KAT7: variants seen among roughly 807,000 people sequenced by gnomAD.
KAT7 encodes lysine acetyltransferase 7.
In KAT7, 10 loss-of-function variants were observed where a neutral mutation model predicts 82.1. The observed-to-expected ratio is 0.12, with a 90% CI of 0.08 to 0.21. KAT7 has a LOEUF of 0.21. KAT7 is among the 10% of genes least tolerant of loss of function. The probability of loss-of-function intolerance (pLI) is 1.00; values close to 1 mark genes in which losing one functional copy is unlikely to be tolerated. For synonymous variants in KAT7, 250 were observed against 262.5 expected (o/e 0.95, Z 0.46); for missense variants, 378 against 760.9 (o/e 0.50, Z 5.92).
At chr17:49,799,803 C>G (rs2051240832) in intron 4 of KAT7, among the ~76,000 whole-genome samples, 1 of 151,600 alleles carries the variant, frequency 6.6e-6, no homozygotes, top group Non-Finnish European at 1.5e-5. Context: ...GCTGGGACTA[C>G]AGGCACGTGG....
Position 49,833,620 on chromosome 17 carries a change from T to C in KAT7, c.*6118T>C, listed in dbSNP as rs1254158913. ...AAGCTTGGGCTAAATTACTGAATGGTGAGAGACGATGCATAGGAGAACCAA... is the reference window on the plus strand; with the variant it reads ...AAGCTTGGGCTAAATTACTGAATGGCGAGAGACGATGCATAGGAGAACCAA... On this transcript the variant is annotated 3_prime_UTR_variant, in exon 15 of 15. Transcript: ENST00000259021. The C allele has an allele frequency of 6.6e-6, 1 of 152,204 alleles. No individual in the cohort carries two copies. The highest frequency in any genetic ancestry group is 1.5e-5 in the Non-Finnish European group (1 of 68,048). The allele number at this position is 152,204 out of a possible 1,614,324, so 9.4% of individuals were successfully genotyped here. A position where few individuals can be genotyped will look rare whatever the true frequency, so the allele number is the denominator to read the frequency against.
chr17:49,831,659 A>G lies in KAT7; in HGVS notation c.*4157A>G, dbSNP rs932484597. 6.6e-6 allele frequency: 1 copy of G among 152,032 alleles called. No homozygotes were observed. The highest frequency in any genetic ancestry group is 2.4e-5 in the African/African-American group (1 of 41,370). 9.4% of individuals were successfully genotyped at this position (152,032 alleles called of 1,614,324 possible). On this transcript the variant is annotated 3_prime_UTR_variant, in exon 15 of 15. Transcript: ENST00000259021. Reference sequence around the variant, plus strand: ...TTCTTATCTGGGGATAATGAGTCATATTAAGTAATTTTTTTTTTTGAGACG... The same window carrying G: ...TTCTTATCTGGGGATAATGAGTCATGTTAAGTAATTTTTTTTTTTGAGACG...
intron 5 of KAT7, 86 bp downstream of exon 5, chr17:49,805,531 G>A: frequency 1.2e-6 from 1 of 852,960 alleles, no homozygotes; most frequent in Non-Finnish European, 1.9e-6. Context: ...GGATACAGTG[G>A]CCAACAAGAT....
rs925249554 is a variant in KAT7, at chr17:49,830,139, A to C, written c.*2637A>C. 2 of 150,826 alleles carry C rather than the reference A, an allele frequency of 1.3e-5. No individual in the cohort carries two copies. The highest frequency in any genetic ancestry group is 2.9e-5 in the Non-Finnish European group (2 of 67,918). The allele number at this position is 150,826 out of a possible 1,614,324, so 9.3% of individuals were successfully genotyped here. ...GTGATCCGCCCACCTTGGCCTCCCAAAGTGCTGGGATTACAGGCGTGAGCC... is the reference window on the plus strand; with the variant it reads ...GTGATCCGCCCACCTTGGCCTCCCACAGTGCTGGGATTACAGGCGTGAGCC... On this transcript the variant is annotated 3_prime_UTR_variant, in exon 15 of 15. Transcript: ENST00000259021.
At chr17:49,821,080 C>T (rs2074297784) in intron 9 of KAT7, among the ~76,000 whole-genome samples, 1 of 152,104 alleles carries the variant, frequency 6.6e-6, no homozygotes, top group Non-Finnish European at 1.5e-5. Flanking sequence ...ATTTTAATCT[C>T]CTGGGCTAAA....
At chr17:49,812,349 C>T (rs1373123677) in intron 7 of KAT7, among the ~76,000 whole-genome samples, 4 of 151,404 alleles carry the variant, frequency 2.6e-5, no homozygotes, top group Admixed American at 6.6e-5. Flanking sequence ...CTCAGCCTCC[C>T]GAGTAGCTAG....
At chr17:49,826,977 AGGTTTTGAT>A (rs985464309) in intron 14 of KAT7, 178 bp downstream of exon 14, 7 of 512,578 alleles carry the variant, frequency 1.4e-5, no homozygotes, top group Non-Finnish European at 1.8e-5. Flanking sequence ...CCTTATCAGA[AGGTTTTGAT>A]AAGCTCCTGT....
intron 2 of KAT7, among the ~76,000 whole-genome samples, chr17:49,794,498 C>A (rs1449991867): frequency 6.6e-6 from 1 of 152,148 alleles, no homozygotes; most frequent in Admixed American, 6.5e-5. Context: ...GTTGTCCAGG[C>A]TTGTCTTAAA....
rs757961251 is a variant in KAT7, at chr17:49,805,403, A to G, written c.621A>G (p.Ser207=). The G allele has an allele frequency of 1.9e-6, 3 of 1,613,286 alleles. No individual in the cohort carries two copies. The highest frequency in any genetic ancestry group is 2.2e-5 in the South Asian group (2 of 91,050). ...AACATGAGAGACATTTCTCCATCTCAGGATGCCCACTGTATCATAACCTCT... is the reference window on the plus strand; with the variant it reads ...AACATGAGAGACATTTCTCCATCTCGGGATGCCCACTGTATCATAACCTCT... ...TGKHERHFSI[S]GCPLYHNLSA... is the part of the protein sequence containing the mutation. Residue 207 remains serine, a synonymous_variant, in exon 5 of 15, where the codon TCA becomes TCG. Transcript: ENST00000259021.
chr17:49,823,398 G>T (rs2143980792), intron 12 of KAT7, 103 bp downstream of exon 12: 2 of 697,506 alleles, frequency 2.9e-6, no homozygotes, highest in South Asian at 1.6e-5. Context: ...ATATAGTGAA[G>T]GTACATGGAT....
intron 1 of KAT7, chr17:49,789,161 C>T: frequency 3.8e-6 from 1 of 264,968 alleles, no homozygotes; most frequent in South Asian, 1.2e-4. Flanking sequence ...GTCACCTCCC[C>T]GCGTGCGGGG....
intron 14 of KAT7, 81 bp from the exon 15 acceptor site, chr17:49,827,320 T>C: frequency 1.2e-6 from 1 of 824,832 alleles, no homozygotes; most frequent in Non-Finnish European, 2.1e-6. Flanking sequence ...AATTCCTTCT[T>C]GGCGGTTAGT....
intron 7 of KAT7, among the ~76,000 whole-genome samples, chr17:49,812,444 C>T (rs533125871): frequency 2.6e-5 from 4 of 151,272 alleles, no homozygotes; most frequent in East Asian, 2.0e-4. Flanking sequence ...AGGCTGGTCT[C>T]GAACTCCTGA....
Position 49,823,193 on chromosome 17 carries a change from T to C in KAT7, c.1387-9T>C. ...CATGACGTGTTCATCTGTTTGCTCT[T>C]GATTTTAGGAAAAGAATTCATTCCT... is the stretch of plus-strand genomic sequence containing the variant. On this transcript the variant is annotated splice_polypyrimidine_tract_variant and intron_variant, in intron 11 of 14. Coordinates refer to ENST00000259021, the MANE Select transcript of KAT7 (RefSeq NM_007067.5). The C allele has an allele frequency of 6.6e-7, 1 of 1,518,568 alleles. No homozygotes were observed. The highest frequency in any genetic ancestry group is 9.1e-7 in the Non-Finnish European group (1 of 1,094,252). The allele number at this position is 1,518,568 out of a possible 1,614,324, so 94.1% of individuals were successfully genotyped here.
At chr17:49,789,205 C>A (rs1298513583) in intron 1 of KAT7, 1 of 206,896 alleles carries the variant, frequency 4.8e-6, no homozygotes. Context: ...CGCTCTCCCA[C>A]TGGCTGGAGA....
At chr17:49,821,851 T>C (rs929526562) in intron 11 of KAT7, 61 bp downstream of exon 11, 23 of 1,512,890 alleles carry the variant, frequency 1.5e-5, no homozygotes, top group South Asian at 3.4e-5. Context: ...ATGTTCGCAG[T>C]TGGGGGCTCA....
At chr17:49,812,234 C>CTTTTTTTTTTTTTTTTTTTT (rs35069050) in intron 7 of KAT7, among the ~76,000 whole-genome samples, 1 of 119,130 alleles carries the variant, frequency 8.4e-6, no homozygotes, top group Non-Finnish European at 1.7e-5. Flanking sequence ...GCTTAAAAAT[C>CTTTTTTTTTTTTTTTTTTTT]TTTTTTTTTT....
Position 49,826,798 on chromosome 17 carries a change from A to C in KAT7, c.1733A>C (p.Gln578Pro). Residue 578 changes from glutamine to proline, a missense_variant and splice_region_variant, in exon 14 of 15, where the codon CAG becomes CCG. Around this residue, in one of 6 missense-constraint regions of KAT7, gnomAD observed 44 missense variants for 102.2 expected, o/e 0.43. Transcript: ENST00000259021. ...WKGKHLVLKRQDLIDEWIAKE... is the reference protein window; with the variant it reads ...WKGKHLVLKRPDLIDEWIAKE... ...GGAAAACACCTAGTTTTAAAGAGAC[A>C]GGTAAGGTTCTCATCAGGGGCTTGC... The C allele has an allele frequency of 6.3e-7, 1 of 1,594,910 alleles. No individual in the cohort carries two copies. Among genetic ancestry groups the C allele is most frequent in the Non-Finnish European group, 8.6e-7 (1 of 1,163,168 alleles).
rs754069524 is a variant in KAT7 at position 49,796,876 on chromosome 17, C to T, written c.290C>T (p.Thr97Ile). 1.2e-6 allele frequency: 2 copies of T among 1,614,200 alleles called. No individual in the cohort carries two copies. The highest frequency in any genetic ancestry group is 3.3e-5 in the Admixed American group (2 of 60,028). Residue 97 changes from threonine to isoleucine, a missense_variant, in exon 3 of 15, where the codon ACT becomes ATT. Thr to Ile is a moderately conservative substitution (Grantham distance 89). Transcript: ENST00000259021. ...CCGAAAAAATACCCTCTTCGGCAGA[C>T]TCGTTCATCTGGTTCAGAAACTGAG... ...VTPKKYPLRQ[T>I]RSSGSETEQV...
Sources: allele counts gnomAD v4.1 joint callset (sites outside exome capture counted in the v4.1 genomes callset), GRCh38; gene constraint gnomAD v4.1.1; regional missense constraint gnomAD v4.1.1; transcripts MANE v1.5; gene names NCBI Gene and HGNC (gene_info 2026-07-23, HGNC 2026-07-21).